Variants in ACSBG1 observed in about 807,000 individuals in gnomAD.
ACSBG1 encodes the protein long-chain-fatty-acid--CoA ligase ACSBG1.
ACSBG1 carries 39 observed loss-of-function variants against 80.2 expected under a neutral mutation model. The ratio of observed to expected loss-of-function variants is 0.49; its 90% confidence interval spans 0.38 to 0.64. ACSBG1 has a LOEUF of 0.64. ACSBG1 is among the 30% of genes least tolerant of loss of function. ACSBG1 has a pLI of 0.00. For missense variants in ACSBG1, 828 were observed against 966.4 expected, an observed-to-expected ratio of 0.86 and a Z score of 1.90; for synonymous variants, 392 against 379.5, an observed-to-expected ratio of 1.03 and a Z score of -0.38.
At chr15:78,173,495 T>C in intron 13 of ACSBG1, 98 bp downstream of exon 13, 2 of 1,516,962 alleles carry the variant, frequency 1.3e-6, no homozygotes, top group Non-Finnish European at 1.8e-6. Context: ...CATGACCTTC[T>C]CTTTGCCGTG....
rs769781631 is a variant in ACSBG1 at position 78,193,640 on chromosome 15, A to C, written c.543-14T>G. On this transcript the variant is annotated splice_polypyrimidine_tract_variant and intron_variant, in intron 4 of 13. Coordinates refer to ENST00000258873, the MANE Select transcript of ACSBG1 (RefSeq NM_015162.5). Reference sequence around the variant, plus strand: ...GTGACGATGCCACTGTAGGAGACCCAGGAAGATTCACCTTAGGGGAGGTGC... The same window carrying C: ...GTGACGATGCCACTGTAGGAGACCCCGGAAGATTCACCTTAGGGGAGGTGC... 6.8e-6 allele frequency: 11 copies of C among 1,610,100 alleles called. No homozygotes were observed. Among genetic ancestry groups the C allele is most frequent in the South Asian group, 5.5e-5 (5 of 90,326 alleles).
intron 5 of ACSBG1, among the ~76,000 whole-genome samples, chr15:78,190,307 A>AC (rs1447799694): frequency 4.7e-3 from 1 of 212 alleles, no homozygotes; most frequent in Non-Finnish European, 0.01. Flanking sequence ...TATAAACCCC[A>AC]CAAACATTGT....
chr15:78,210,965 C>T (rs575283476), intron 1 of ACSBG1, among the ~76,000 whole-genome samples: 2 of 152,336 alleles, frequency 1.3e-5, no homozygotes, highest in South Asian at 4.1e-4. Flanking sequence ...CTTCTTGCTA[C>T]TTTCAGTGTG....
At chr15:78,219,845 G>A (rs191375336) in intron 1 of ACSBG1, among the ~76,000 whole-genome samples, 6 of 152,198 alleles carry the variant, frequency 3.9e-5, no homozygotes, top group African/African-American at 4.8e-5. Flanking sequence ...TTAGCTGGGC[G>A]TGGGGGCGGG....
chr15:78,195,492 A>G (rs1006390043), intron 2 of ACSBG1, among the ~76,000 whole-genome samples: 5 of 146,726 alleles, frequency 3.4e-5, no homozygotes, highest in Non-Finnish European at 7.4e-5. Context: ...TACTCTGTGT[A>G]TGGTGGGTGG....
intron 1 of ACSBG1, among the ~76,000 whole-genome samples, chr15:78,228,277 G>A (rs532807040): frequency 1.3e-5 from 2 of 152,246 alleles, no homozygotes; most frequent in East Asian, 3.9e-4. Context: ...TGTGAGATAG[G>A]GTTTTTTTCT....
In ACSBG1 at chr15:78,170,146, C is replaced by T. The variant is rs976403050; in HGVS notation, c.*1298G>A. Reference sequence around the variant, plus strand: ...GCTTGAGCTTGGGCTTAGGCTTGGGCTCAGCTTTTGACCCTCAGGCATCTC... The same window carrying T: ...GCTTGAGCTTGGGCTTAGGCTTGGGTTCAGCTTTTGACCCTCAGGCATCTC... On this transcript the variant is annotated 3_prime_UTR_variant, in exon 14 of 14. Coordinates refer to ENST00000258873, the MANE Select transcript of ACSBG1 (RefSeq NM_015162.5). 1.3e-5 allele frequency: 2 copies of T among 152,202 alleles called. No individual in the cohort carries two copies. The highest frequency in any genetic ancestry group is 2.9e-5 in the Non-Finnish European group (2 of 68,040). The allele number at this position is 152,202 out of a possible 1,614,324, so 9.4% of individuals were successfully genotyped here.
At position 78,179,670 on chromosome 15, in the gene ACSBG1, A is replaced by C. The variant is rs376464361; in HGVS notation, c.1364T>G (p.Met455Arg). Residue 455 changes from methionine (M) to arginine (R), a missense_variant, in exon 10 of 14, where the codon ATG (methionine) becomes AGG (arginine). By Grantham distance (91) the Met-to-Arg change is moderately conservative. Around this residue, in one of 3 missense-constraint regions of ACSBG1, gnomAD observed 271 missense variants for 375.9 expected, o/e 0.72. Coordinates refer to ENST00000258873, the MANE Select transcript of ACSBG1 (RefSeq NM_015162.5). ...CQKNFYGAAPMMAETQHFFLG... is the reference protein window; with the variant it reads ...CQKNFYGAAPRMAETQHFFLG... Reference sequence around the variant, plus strand: ...GAAGAAGTGCTGTGTCTCTGCCATCATGGGGGCCGCTCCATAGAAGTTCTT... The same window carrying C: ...GAAGAAGTGCTGTGTCTCTGCCATCCTGGGGGCCGCTCCATAGAAGTTCTT... 7.4e-6 allele frequency: 12 copies of C among 1,614,038 alleles called. No homozygotes were observed. The highest frequency in any genetic ancestry group is 9.3e-6 in the Non-Finnish European group (11 of 1,180,040).
intron 10 of ACSBG1, 32 bp downstream of exon 10, chr15:78,179,518 G>C (rs769093760): frequency 6.3e-7 from 1 of 1,583,848 alleles, no homozygotes; most frequent in Admixed American, 1.7e-5. Context: ...GGGCGCATGG[G>C]TGTGCATGTG....
At chr15:78,203,977 C>G (rs770429944) in intron 2 of ACSBG1, among the ~76,000 whole-genome samples, 2 of 152,188 alleles carry the variant, frequency 1.3e-5, no homozygotes, top group Non-Finnish European at 2.9e-5. Context: ...CTCAGGGATA[C>G]AGAAGAGGAA....
intron 1 of ACSBG1, among the ~76,000 whole-genome samples, chr15:78,217,755 C>T (rs896688839): frequency 3.9e-5 from 6 of 151,930 alleles, no homozygotes; most frequent in South Asian, 4.2e-4. Context: ...TTAGTAGAGA[C>T]GGGGTTTCAC....
At chr15:78,228,019 A>C (rs2075417716) in intron 1 of ACSBG1, among the ~76,000 whole-genome samples, 1 of 152,190 alleles carries the variant, frequency 6.6e-6, no homozygotes, top group South Asian at 2.1e-4. Flanking sequence ...TAGCCTCCTG[A>C]GTAGCTGGGA....
intron 11 of ACSBG1, 39 bp from the exon 12 acceptor site, chr15:78,174,563 T>TC: frequency 1.3e-6 from 2 of 1,594,618 alleles, no homozygotes; most frequent in African/African-American, 2.7e-5. Context: ...CAGAATGTAG[T>TC]CCAGGTGCCC....
chr15:78,208,689 AAGAC>A (rs2075240488), intron 1 of ACSBG1, among the ~76,000 whole-genome samples: 1 of 152,102 alleles, frequency 6.6e-6, no homozygotes, highest in Non-Finnish European at 1.5e-5. Context: ...CTCCATGGAG[AAGAC>A]AGACATAGAC....
intron 2 of ACSBG1, chr15:78,207,712 G>A: frequency 2.4e-6 from 1 of 413,804 alleles, no homozygotes; most frequent in East Asian, 3.9e-5. Flanking sequence ...CCCAAGGCCT[G>A]GGCCCAGATG....
Position 78,214,147 on chromosome 15 carries a change from C to G in ACSBG1, c.132-6045G>C, listed in dbSNP as rs559450734. 8.5e-5 allele frequency among the ~76,000 whole-genome samples: 13 copies of G among 152,320 alleles called. No homozygotes were observed. In the South Asian group the frequency reaches 2.5e-3, roughly 29 times the overall value. On this transcript the variant is annotated intron_variant, in intron 1 of 13. Coordinates refer to ENST00000258873, the MANE Select transcript of ACSBG1 (RefSeq NM_015162.5). ...CCTTGCGCTGTGCCTTCTAATACCC[C>G]CTCCACCCTCTACCTCCTCCTTCAC...
chr15:78,224,859 C>A (rs999806667), intron 1 of ACSBG1, among the ~76,000 whole-genome samples: 4 of 152,066 alleles, frequency 2.6e-5, no homozygotes, highest in Admixed American at 6.5e-5. Context: ...TATCTCTATT[C>A]AACATTACAT....
intron 5 of ACSBG1, among the ~76,000 whole-genome samples, chr15:78,186,397 A>T (rs966269580): frequency 5.9e-5 from 9 of 152,226 alleles, no homozygotes; most frequent in African/African-American, 2.2e-4. Flanking sequence ...CACCACACCT[A>T]TTCCAAAACT....
intron 5 of ACSBG1, among the ~76,000 whole-genome samples, chr15:78,185,079 G>A (rs1024126020): frequency 6.8e-6 from 1 of 147,348 alleles, no homozygotes; most frequent in Non-Finnish European, 1.5e-5. Context: ...GAGAGAGAGA[G>A]AGGAATACAG....
Sources: gnomAD v4.1 joint callset for allele counts (sites outside exome capture counted in the v4.1 genomes callset) on GRCh38, gnomAD v4.1.1 for gene constraint, gnomAD v4.1.1 regional missense constraint, MANE v1.5 for transcripts, NCBI Gene and HGNC (gene_info 2026-07-23, HGNC 2026-07-21) for gene names.